LOXHD1: variants seen among roughly 807,000 people sequenced by gnomAD.
LOXHD1 encodes lipoxygenase homology PLAT domains 1, also known as lipoxygenase homology domain-containing protein 1.
In LOXHD1, 205 loss-of-function variants were observed where a neutral mutation model predicts 248.2. That is an observed-to-expected ratio of 0.83 (90% CI 0.74 to 0.93). The LOEUF is 0.93. Among genes scored for constraint, LOXHD1 ranks in the 40% least tolerant of loss-of-function variants. The pLI is 0.00. For synonymous variants in LOXHD1, 1,113 were observed against 1,162.8 expected (o/e 0.96, Z 0.87); for missense variants, 2,930 against 2,971.6 (o/e 0.99, Z 0.33).
intron 32 of LOXHD1, among the ~76,000 whole-genome samples, chr18:46,521,538 T>G (rs2035579090): frequency 6.6e-6 from 1 of 152,132 alleles, no homozygotes; most frequent in Non-Finnish European, 1.5e-5. Context: ...TTGGAGATAT[T>G]TGAAGCAGAA....
intron 37 of LOXHD1, among the ~76,000 whole-genome samples, chr18:46,503,632 T>C (rs898811338): frequency 6.6e-6 from 1 of 152,216 alleles, no homozygotes; most frequent in African/African-American, 2.4e-5. Flanking sequence ...TGTTTTGTTT[T>C]CATCTTAGGA....
intron 11 of LOXHD1, 77 bp downstream of exon 11, chr18:46,592,421 G>A: frequency 3.3e-6 from 4 of 1,222,294 alleles, no homozygotes; most frequent in Middle Eastern, 1.9e-4. Context: ...GCAAATTTAT[G>A]TGACAGGGTC....
chr18:46,521,519 G>A (rs1033135765), intron 32 of LOXHD1, among the ~76,000 whole-genome samples: 3 of 152,198 alleles, frequency 2.0e-5, no homozygotes, highest in Non-Finnish European at 4.4e-5. Flanking sequence ...GATGTCAGAG[G>A]TGAAGAAGTT....
chr18:46,563,113 G>A lies in LOXHD1; in HGVS notation c.2550C>T (p.Leu850=). The change falls in exon 18 of 41, where the codon CTC becomes CTT. Residue 850 remains leucine (L), a synonymous_variant. Transcript: ENST00000642948. ...GTTCAAAAACTTTTGAGCGGCTGGA[G>A]AGGAAGAGCACTTCTGTCTTGCCTT... ...GEKGKTEVLF[L]SSRSKVFERA... 6.5e-7 allele frequency: 1 copy of A among 1,546,476 alleles called. No individual in the cohort carries two copies. The highest frequency in any genetic ancestry group is 8.8e-7 in the Non-Finnish European group (1 of 1,142,538).
intron 12 of LOXHD1, among the ~76,000 whole-genome samples, chr18:46,590,511 C>A (rs2038147123): frequency 6.6e-6 from 1 of 152,132 alleles, no homozygotes; most frequent in South Asian, 2.1e-4. Flanking sequence ...TTCTGGCGCA[C>A]AAAGTGGACA....
At chr18:46,541,754 C>T in intron 25 of LOXHD1, 22 bp downstream of exon 25, 1 of 1,551,454 alleles carries the variant, frequency 6.4e-7, no homozygotes, top group East Asian at 2.4e-5. Flanking sequence ...GAAGGGCTGG[C>T]CTTGCCGTGT....
Position 46,538,267 on chromosome 18 carries a change from G to A in LOXHD1, c.3984C>T (p.Ile1328=). 1 of 1,551,552 alleles carries A rather than the reference G, an allele frequency of 6.4e-7. No homozygotes were observed. The highest frequency in any genetic ancestry group is 8.7e-7 in the Non-Finnish European group (1 of 1,146,840). The change falls in exon 26 of 41, where the codon ATC becomes ATT. Residue 1328 remains isoleucine, a synonymous_variant. Transcript: ENST00000642948. ...FAAGTDANIF[I]IIYGCDAVCT... ...ACACGGCATCGCAGCCATAGATGAT[G>A]ATGAAGATGTTGGCATCTGTCCCAG...
chr18:46,608,084 G>GGAAGGAAGGAAGGAAGGAAGGAAGGAAA (rs1568214574), intron 6 of LOXHD1, among the ~76,000 whole-genome samples: 135 of 146,472 alleles, frequency 9.2e-4, no homozygotes, highest in African/African-American at 3.2e-3. Flanking sequence ...AAGGAAGGGA[G>GGAAGGAAGGAAGGAAGGAAGGAAGGAAA]GAAGGAAGGG....
In LOXHD1 at chr18:46,518,240, G is replaced by T. The variant is rs535510598; in HGVS notation, c.5288C>A (p.Thr1763Lys). Residue 1763 changes from threonine to lysine, a missense_variant, in exon 34 of 41, where the codon ACG becomes AAG. Thr to Lys is a moderately conservative substitution (Grantham distance 78). Coordinates refer to ENST00000642948, the MANE Select transcript of LOXHD1 (RefSeq NM_001384474.1). ...NIGVKVLYEM[T>K]VWTGDVVGGG... ...GCCAACCACATCCCCTGTCCACACC[G>T]TCATTTCATAGAGAACCTGCCATGA... The T allele has an allele frequency of 6.4e-7, 1 of 1,551,436 alleles. No homozygotes were observed. Among genetic ancestry groups the T allele is most frequent in the Non-Finnish European group, 8.7e-7 (1 of 1,146,910 alleles).
intron 12 of LOXHD1, among the ~76,000 whole-genome samples, chr18:46,588,480 A>G (rs101941): frequency 0.7 from 106,830 of 152,098 alleles, 38,293 homozygotes; most frequent in South Asian, 0.78. Flanking sequence ...AAAAATGTGT[A>G]CGAGCACATT....
At chr18:46,613,760 A>T (rs1599050251) in intron 5 of LOXHD1, among the ~76,000 whole-genome samples, 1 of 152,198 alleles carries the variant, frequency 6.6e-6, no homozygotes, top group East Asian at 1.9e-4. Flanking sequence ...TAAAAAGTAA[A>T]TAATGCAAAT....
At chr18:46,631,929 T>G (rs1599063346) in intron 4 of LOXHD1, among the ~76,000 whole-genome samples, 2 of 152,266 alleles carry the variant, frequency 1.3e-5, no homozygotes, top group Admixed American at 1.3e-4. Flanking sequence ...CCTTGAAACC[T>G]CCTCAGGGTT....
chr18:46,485,099 G>T lies in LOXHD1; in HGVS notation c.6102C>A (p.Val2034=), dbSNP rs1215679622. 1 of 1,550,454 alleles carries T rather than the reference G, an allele frequency of 6.4e-7. No individual in the cohort carries two copies. The highest frequency in any genetic ancestry group is 1.2e-5 in the South Asian group (1 of 83,878). ...TGNGGETREN[V]WLILEGRKNR... ...TCTTCCTGCCCTCCAGGATGAGCCAGACGTTCTCCCTGGTTTCGCCTCCGT... is the reference window on the plus strand; with the variant it reads ...TCTTCCTGCCCTCCAGGATGAGCCATACGTTCTCCCTGGTTTCGCCTCCGT... The change falls in exon 39 of 41, where the codon GTC becomes GTA. Residue 2034 remains valine, a synonymous_variant. Transcript: ENST00000642948.
At position 46,545,818 on chromosome 18, in the gene LOXHD1, ACGGGGTTTCAC is replaced by A. The variant is rs368355219; in HGVS notation, c.3515-408_3515-398del. The stretch of plus-strand genomic sequence containing the variant: ...CTAATTTTTTGTATTTTTAGTAGAG[ACGGGGTTTCAC>A]CGTTTTAGCCGGGATGGTCTCGATC... On this transcript the variant is annotated intron_variant, in intron 22 of 40. Transcript: ENST00000642948. Among the ~76,000 whole-genome samples the A allele has an allele frequency of 2.1e-4, 32 of 149,936 alleles. No individual in the cohort carries two copies. In the East Asian group the frequency reaches 5.5e-3, roughly 26 times the overall value.
intron 6 of LOXHD1, among the ~76,000 whole-genome samples, chr18:46,607,910 G>A (rs2038442191): frequency 6.6e-6 from 1 of 152,018 alleles, no homozygotes; most frequent in South Asian, 2.1e-4. Context: ...CATACAATAA[G>A]AAATCTCTTT....
chr18:46,583,507 G>A (rs1036930425), intron 12 of LOXHD1, among the ~76,000 whole-genome samples: 2 of 151,758 alleles, frequency 1.3e-5, no homozygotes, highest in African/African-American at 4.8e-5. Context: ...CTAATAACTC[G>A]ATTAAGAAAT....
chr18:46,513,019 C>G (rs991332886), intron 34 of LOXHD1, among the ~76,000 whole-genome samples: 2 of 152,032 alleles, frequency 1.3e-5, no homozygotes, highest in African/African-American at 4.8e-5. Context: ...GTATGAAATC[C>G]AGGTGATATG....
At chr18:46,572,185 T>G in intron 14 of LOXHD1, 23 bp from the exon 15 acceptor site, 1 of 1,548,708 alleles carries the variant, frequency 6.5e-7, no homozygotes, top group South Asian at 1.2e-5. Context: ...TGGGGGAATG[T>G]TAGCTCTTTG....
chr18:46,577,997 G>T, intron 13 of LOXHD1, 130 bp from the exon 14 acceptor site: 1 of 888,360 alleles, frequency 1.1e-6, no homozygotes, highest in South Asian at 1.6e-5. Context: ...TTCACACATG[G>T]GACAGGAGCT....
Sources: allele counts gnomAD v4.1 joint callset (sites outside exome capture counted in the v4.1 genomes callset), GRCh38; gene constraint gnomAD v4.1.1; transcripts MANE v1.5; gene names NCBI Gene and HGNC (gene_info 2026-07-23, HGNC 2026-07-21).